Variants in KRT222 observed in about 807,000 individuals in gnomAD.
KRT222 encodes keratin-like protein KRT222.
Under a neutral mutation model 35.0 loss-of-function variants are expected in KRT222, and 23 were observed. The ratio of observed to expected loss-of-function variants is 0.66; its 90% confidence interval spans 0.47 to 0.93. KRT222 has a LOEUF of 0.93. Ranked by LOEUF, KRT222 falls within the 40% of genes least tolerant of loss-of-function variation. The probability of loss-of-function intolerance (pLI) is 0.00; values close to 1 mark genes in which losing one functional copy is unlikely to be tolerated. For synonymous variants in KRT222, 108 were observed against 118.8 expected, an observed-to-expected ratio of 0.91 and a Z score of 0.59; for missense variants, 339 against 346.3, an observed-to-expected ratio of 0.98 and a Z score of 0.17.
chr17:40,657,607 C>T (rs551074192), intron 4 of KRT222, 67 bp downstream of exon 4: 2 of 1,501,284 alleles, frequency 1.3e-6, no homozygotes, highest in African/African-American at 1.4e-5. Context: ...ATTTAATTTC[C>T]TTATAAAGTA....
rs8068721 is a variant in KRT222, at chr17:40,657,572, G to A, written c.524-85C>T. On this transcript the variant is annotated intron_variant, in intron 4 of 5. Coordinates refer to ENST00000394052, the MANE Select transcript of KRT222 (RefSeq NM_152349.3). Reference sequence around the variant, plus strand: ...ATATTCAAACTTTTATTCAAATATTGCTTGTTTTTTTTCGACTTTAAAGTA... The same window carrying A: ...ATATTCAAACTTTTATTCAAATATTACTTGTTTTTTTTCGACTTTAAAGTA... 0.68 allele frequency: 1,007,372 copies of A among 1,476,272 alleles called. 346,488 individuals are homozygous for A. The highest frequency in any genetic ancestry group is 0.83 in the African/African-American group (58,251 of 70,244). 91.4% of individuals were successfully genotyped at this position (1,476,272 alleles called of 1,614,324 possible).
Position 40,655,502 on chromosome 17 carries a change from A to T in KRT222, c.*900T>A, listed in dbSNP as rs2037338419. The T allele has an allele frequency of 6.6e-6, 1 of 152,180 alleles. No homozygotes were observed. The highest frequency in any genetic ancestry group is 2.4e-5 in the African/African-American group (1 of 41,448). The allele number at this position is 152,180 out of a possible 1,614,324, so 9.4% of individuals were successfully genotyped here. A position where few individuals can be genotyped will look rare whatever the true frequency, so the allele number is the denominator to read the frequency against. On this transcript the variant is annotated 3_prime_UTR_variant, in exon 6 of 6. Coordinates refer to ENST00000394052, the MANE Select transcript of KRT222 (RefSeq NM_152349.3). ...TTTATAATACTTCATATAGTATCTT[A>T]TCTACGGCTTATAGCAAACAATCTA...
At chr17:40,659,024 C>T (rs1278213017) in intron 3 of KRT222, among the ~76,000 whole-genome samples, 3 of 152,096 alleles carry the variant, frequency 2.0e-5, no homozygotes, top group Non-Finnish European at 4.4e-5. Flanking sequence ...AGCCCTTGAT[C>T]AGGGGGATTG....
At chr17:40,664,747 A>C (rs1161412470) in intron 1 of KRT222, among the ~76,000 whole-genome samples, 1 of 152,216 alleles carries the variant, frequency 6.6e-6, no homozygotes, top group African/African-American at 2.4e-5. Context: ...TGTTGACCCC[A>C]TGTTAATGAT....
At chr17:40,660,274 A>G (rs917593) in intron 2 of KRT222, 67 bp from the exon 3 acceptor site, 878,926 of 1,290,222 alleles carry the variant, frequency 0.68, 303,951 homozygotes, top group African/African-American at 0.83. Flanking sequence ...CTGATTTGCA[A>G]TATCTTCATC....
intron 3 of KRT222, among the ~76,000 whole-genome samples, chr17:40,659,225 G>A (rs1242429117): frequency 6.6e-6 from 1 of 150,636 alleles, no homozygotes; most frequent in Non-Finnish European, 1.5e-5. Flanking sequence ...GCGCAGTCTC[G>A]GCTCACTGCA....
rs1555607515 is a variant in KRT222, at chr17:40,657,694, A to G, written c.503T>C (p.Val168Ala). Residue 168 changes from valine to alanine, a missense_variant, in exon 4 of 6, where the codon GTT becomes GCT. Transcript: ENST00000394052. Reference protein sequence around the residue: ...KKDKKPTTSRVGFVLPSAIIN... With the variant: ...KKDKKPTTSRAGFVLPSAIIN... ...CTCACCTGATGGTAAAACAAAACCA[A>G]CTCTACTTGTGGTAGGCTTTTTGTC... The G allele has an allele frequency of 6.2e-7, 1 of 1,612,748 alleles. No homozygotes were observed. The highest frequency in any genetic ancestry group is 8.5e-7 in the Non-Finnish European group (1 of 1,179,232).
Position 40,663,065 on chromosome 17 carries a change from T to G in KRT222, c.97-1021A>C, listed in dbSNP as rs1286018230. Among the ~76,000 whole-genome samples the G allele has an allele frequency of 5.3e-5, 8 of 152,332 alleles. No homozygotes were observed. The East Asian group carries it at 1.2e-3, about 22-fold the overall frequency. ...TTTGTTGAAAATCTGTTCTTAGTGT[T>G]AACTTGGCAAAGTCAGGCAGCAAGC... On this transcript the variant is annotated intron_variant, in intron 1 of 5. Transcript: ENST00000394052.
rs781569850 is a variant in KRT222 at position 40,660,160 on chromosome 17, C to T, written c.273G>A (p.Gln91=). The T allele has an allele frequency of 1.2e-6, 2 of 1,614,112 alleles. No individual in the cohort carries two copies. The highest frequency in any genetic ancestry group is 1.7e-5 in the Admixed American group (1 of 60,022). ...CAGTCTCTAGGTCTTGCAGCTGCAT[C>T]TGGTAATGCTGCTCGCTGGCATGTA... The part of the protein sequence containing the change: ...NSLHASEQHY[Q]MQLQDLETVI... Residue 91 remains glutamine, a synonymous_variant, in exon 3 of 6, where the codon CAG becomes CAA. Coordinates refer to ENST00000394052, the MANE Select transcript of KRT222 (RefSeq NM_152349.3).
At chr17:40,664,081 T>A (rs78303206) in intron 1 of KRT222, among the ~76,000 whole-genome samples, 1 of 144,322 alleles carries the variant, frequency 6.9e-6, no homozygotes, top group Admixed American at 7.0e-5. Flanking sequence ...TTTCTACCAA[T>A]TTTTTTTTTT....
intron 2 of KRT222, among the ~76,000 whole-genome samples, chr17:40,661,426 C>T (rs2037383374): frequency 6.6e-6 from 1 of 151,946 alleles, no homozygotes; most frequent in Non-Finnish European, 1.5e-5. Context: ...GCCACCATGC[C>T]TGGCTAATAT....
At chr17:40,659,157 CTTT>C (rs756036525) in intron 3 of KRT222, among the ~76,000 whole-genome samples, 4 of 71,872 alleles carry the variant, frequency 5.6e-5, no homozygotes, top group Non-Finnish European at 8.2e-5. Context: ...CTCTCTCTCT[CTTT>C]TTTTTTTTTT....
At chr17:40,661,145 T>C (rs2037381535) in intron 2 of KRT222, among the ~76,000 whole-genome samples, 1 of 152,058 alleles carries the variant, frequency 6.6e-6, no homozygotes, top group African/African-American at 2.4e-5. Context: ...GTTTTCGCCA[T>C]GTTGCTCAGG....
Position 40,654,986 on chromosome 17 carries a change from A to G in KRT222, c.*1416T>C, listed in dbSNP as rs186363521. The G allele has an allele frequency of 1.7e-3, 249 of 147,646 alleles. 1 individual carries two copies. Among genetic ancestry groups the G allele is most frequent in the African/African-American group, 5.8e-3 (237 of 40,690 alleles). 9.1% of individuals were successfully genotyped at this position (147,646 alleles called of 1,614,324 possible). A position where few individuals can be genotyped will look rare whatever the true frequency, so the allele number is the denominator to read the frequency against. On this transcript the variant is annotated 3_prime_UTR_variant, in exon 6 of 6. Coordinates refer to ENST00000394052, the MANE Select transcript of KRT222 (RefSeq NM_152349.3). ...TGTATTATGTTAAAGATTATTTAAC[A>G]TAATATTTTCCTGGTTAAAACATAC...
chr17:40,660,562 A>G (rs937599397), intron 2 of KRT222, among the ~76,000 whole-genome samples: 4 of 152,092 alleles, frequency 2.6e-5, no homozygotes, highest in African/African-American at 9.7e-5. Context: ...GACAGGCTTG[A>G]GCCACCGCGC....
chr17:40,658,177 G>T (rs1445892512), intron 3 of KRT222, among the ~76,000 whole-genome samples: 1 of 151,502 alleles, frequency 6.6e-6, no homozygotes, highest in Non-Finnish European at 1.5e-5. Flanking sequence ...TCTTAAACTG[G>T]GGGAAGTGGG....
intron 2 of KRT222, 74 bp from the exon 3 acceptor site, chr17:40,660,281 CA>C: frequency 8.5e-7 from 1 of 1,178,268 alleles, no homozygotes; most frequent in Non-Finnish European, 1.2e-6. Context: ...GCAATATCTT[CA>C]TCTTTTTTTT....
intron 1 of KRT222, among the ~76,000 whole-genome samples, chr17:40,664,093 A>T (rs972755548): frequency 7.9e-5 from 12 of 151,560 alleles, no homozygotes; most frequent in Admixed American, 7.9e-4. Context: ...TTTTTTTTTA[A>T]AATTTTGGGT....
rs1248666284 is a variant in KRT222, at chr17:40,656,395, C to T, written c.*7G>A. The T allele has an allele frequency of 2.5e-6, 4 of 1,606,952 alleles. No homozygotes were observed. Among genetic ancestry groups the T allele is most frequent in the Admixed American group, 3.3e-5 (2 of 59,982 alleles). ...ATTTTCCAATCAAGTCAAATACTAT[C>T]TTTGGATTAATTAGCTGTTGATGGA... On this transcript the variant is annotated 3_prime_UTR_variant, in exon 6 of 6. Transcript: ENST00000394052.
Sources: gnomAD v4.1 joint callset for allele counts (sites outside exome capture counted in the v4.1 genomes callset) on GRCh38, gnomAD v4.1.1 for gene constraint, MANE v1.5 for transcripts, NCBI Gene and HGNC (gene_info 2026-07-23, HGNC 2026-07-21) for gene names.